Variants in PIGK observed in about 807,000 individuals in gnomAD.
PIGK encodes phosphatidylinositol glycan anchor biosynthesis class K.
Under a neutral mutation model 50.6 loss-of-function variants are expected in PIGK, and 42 were observed. That is an observed-to-expected ratio of 0.83 (90% CI 0.65 to 1.07). PIGK has a LOEUF of 1.07. PIGK is among the 50% of genes least tolerant of loss of function. The probability of loss-of-function intolerance (pLI) is 0.00; values close to 1 mark genes in which losing one functional copy is unlikely to be tolerated. For missense variants in PIGK, 448 were observed against 488.7 expected, an observed-to-expected ratio of 0.92 and a Z score of 0.78; for synonymous variants, 151 against 156.0, an observed-to-expected ratio of 0.97 and a Z score of 0.24.
chr1:77,183,294 T>TC (rs1655663405), intron 3 of PIGK, among the ~76,000 whole-genome samples: 1 of 152,176 alleles, frequency 6.6e-6, no homozygotes, highest in Admixed American at 6.5e-5. Context: ...AGCTTCCCCA[T>TC]CCCCAGCAGT....
intron 1 of PIGK, among the ~76,000 whole-genome samples, chr1:77,212,582 T>C (rs1381395519): frequency 1.3e-5 from 2 of 151,986 alleles, no homozygotes; most frequent in African/African-American, 2.4e-5. Context: ...ACTTCACCTA[T>C]AAACACGCAT....
intron 9 of PIGK, among the ~76,000 whole-genome samples, chr1:77,145,332 A>T (rs1038158165): frequency 6.8e-4 from 103 of 152,146 alleles, no homozygotes; most frequent in African/African-American, 2.4e-3. Flanking sequence ...ATAAAAAAAT[A>T]AAAAGCCTGC....
At chr1:77,120,789 T>C (rs1654079357) in intron 10 of PIGK, among the ~76,000 whole-genome samples, 1 of 152,224 alleles carries the variant, frequency 6.6e-6, no homozygotes, top group Non-Finnish European at 1.5e-5. Context: ...AAGATAGGTA[T>C]TTAGTAAAAT....
At position 77,187,620 on chromosome 1, in the gene PIGK, G is replaced by A. The variant is rs183842088; in HGVS notation, c.240-18225C>T. The stretch of plus-strand genomic sequence containing the variant: ...GAAATCAGTCCACTACTCCACAACA[G>A]AGGTAAGGAAGAATATGCATGGAAT... On this transcript the variant is annotated intron_variant, in intron 3 of 10. Transcript: ENST00000370812. Among the ~76,000 whole-genome samples, 68 of 152,270 alleles carry A rather than the reference G, an allele frequency of 4.5e-4. No individual in the cohort carries two copies. The East Asian group carries it at 0.013, about 28-fold the overall frequency.
At chr1:77,197,424 C>A (rs1181162296) in intron 3 of PIGK, among the ~76,000 whole-genome samples, 1 of 152,150 alleles carries the variant, frequency 6.6e-6, no homozygotes, top group Non-Finnish European at 1.5e-5. Context: ...ATAGGTAGAA[C>A]TTCAGGTGAC....
chr1:77,116,480 T>C (rs1653968022), intron 10 of PIGK, among the ~76,000 whole-genome samples: 3 of 152,048 alleles, frequency 2.0e-5, no homozygotes, highest in East Asian at 1.9e-4. Flanking sequence ...CCACCGTGCC[T>C]GGCCGAATTT....
rs1047969191 is a variant in PIGK at position 77,188,426 on chromosome 1, C to T, written c.239+18214G>A. On this transcript the variant is annotated intron_variant, in intron 3 of 10. Transcript: ENST00000370812. ...CCAGGCTTATTAGGAAGAGGAAATT[C>T]CCACCTAATAAATTTTGGTCAGACC... Among the ~76,000 whole-genome samples, 6 of 152,264 alleles carry T rather than the reference C, an allele frequency of 3.9e-5. No individual in the cohort carries two copies. In the East Asian group the frequency reaches 1.2e-3, roughly 29 times the overall value.
At chr1:77,132,795 A>G (rs921610309) in intron 9 of PIGK, among the ~76,000 whole-genome samples, 3 of 152,046 alleles carry the variant, frequency 2.0e-5, no homozygotes, top group African/African-American at 4.8e-5. Context: ...CTTATGTAAG[A>G]TATTTTTGCT....
At chr1:77,111,297 C>A (rs1365298209) in intron 10 of PIGK, among the ~76,000 whole-genome samples, 1 of 152,108 alleles carries the variant, frequency 6.6e-6, no homozygotes, top group East Asian at 1.9e-4. Flanking sequence ...GCTATAAAGA[C>A]ACATGCACAC....
chr1:77,164,789 C>G (rs1421011221), intron 5 of PIGK, among the ~76,000 whole-genome samples: 1 of 151,708 alleles, frequency 6.6e-6, no homozygotes, highest in African/African-American at 2.4e-5. Context: ...ATACAGCAAC[C>G]TTGAATATCG....
intron 6 of PIGK, among the ~76,000 whole-genome samples, chr1:77,162,544 A>G (rs1174638045): frequency 3.3e-5 from 5 of 152,162 alleles, no homozygotes; most frequent in African/African-American, 1.2e-4. Flanking sequence ...AGTTTGGAGA[A>G]ACCATGAAAG....
intron 3 of PIGK, among the ~76,000 whole-genome samples, chr1:77,174,065 C>T (rs575577447): frequency 2.6e-5 from 4 of 152,318 alleles, no homozygotes; most frequent in Non-Finnish European, 1.5e-5. Context: ...GTAGCTAAGG[C>T]CTTGCCTTTT....
chr1:77,205,842 C>G (rs775325130), intron 3 of PIGK, among the ~76,000 whole-genome samples: 1 of 151,896 alleles, frequency 6.6e-6, no homozygotes, highest in Non-Finnish European at 1.5e-5. Flanking sequence ...GTGGGGATAC[C>G]GCCTATTACC....
At chr1:77,175,957 G>A (rs57891552) in intron 3 of PIGK, among the ~76,000 whole-genome samples, 5,648 of 152,078 alleles carry the variant, frequency 0.037, 207 homozygotes, top group South Asian at 0.21. Context: ...ATGAAAGGGT[G>A]AAATTTGGCT....
intron 3 of PIGK, among the ~76,000 whole-genome samples, chr1:77,180,861 G>T (rs1655595296): frequency 6.6e-6 from 1 of 152,088 alleles, no homozygotes; most frequent in Non-Finnish European, 1.5e-5. Context: ...TGGGAGGCAG[G>T]TTTGCCCTAA....
chr1:77,104,738 T>G (rs1386782697), intron 10 of PIGK, among the ~76,000 whole-genome samples: 1 of 152,116 alleles, frequency 6.6e-6, no homozygotes, highest in Admixed American at 6.5e-5. Flanking sequence ...CAACTCCTTG[T>G]GGGAGGGAGC....
intron 9 of PIGK, among the ~76,000 whole-genome samples, chr1:77,134,333 T>C (rs192544069): frequency 2.9e-3 from 438 of 152,362 alleles, no homozygotes; most frequent in Non-Finnish European, 4.9e-3. Context: ...GACTAGTAAA[T>C]TCATAGCTCT....
chr1:77,095,280 T>G (rs562305652), intron 10 of PIGK, among the ~76,000 whole-genome samples: 1 of 152,250 alleles, frequency 6.6e-6, no homozygotes, highest in East Asian at 1.9e-4. Flanking sequence ...ATGAGAAATC[T>G]CTGACAGTTT....
chr1:77,141,302 A>G (rs920016882), intron 9 of PIGK, among the ~76,000 whole-genome samples: 1 of 152,118 alleles, frequency 6.6e-6, no homozygotes, highest in African/African-American at 2.4e-5. Context: ...AAGAACTCTT[A>G]TATTTCATTA....
Sources: allele counts gnomAD v4.1 joint callset (sites outside exome capture counted in the v4.1 genomes callset), GRCh38; gene constraint gnomAD v4.1.1; transcripts MANE v1.5; gene names NCBI Gene and HGNC (gene_info 2026-07-23, HGNC 2026-07-21).